Variants in KCNH5 observed in about 807,000 individuals in gnomAD.
KCNH5 encodes potassium voltage-gated channel subfamily H member 5, also known as voltage-gated delayed rectifier potassium channel KCNH5.
KCNH5 carries 46 observed loss-of-function variants against 96.1 expected under a neutral mutation model. That is an observed-to-expected ratio of 0.48 (90% CI 0.38 to 0.61). The LOEUF (loss-of-function observed/expected upper bound fraction) is 0.61. KCNH5 is among the 20% of genes least tolerant of loss of function. The pLI, the probability that KCNH5 is intolerant of heterozygous loss-of-function variation, is 0.00. For synonymous variants in KCNH5, 439 were observed against 449.8 expected, an observed-to-expected ratio of 0.98 and a Z score of 0.30; for missense variants, 907 against 1,225.8, an observed-to-expected ratio of 0.74 and a Z score of 3.88.
At chr14:63,042,788 AC>A (rs1891850586) in intron 1 of KCNH5, among the ~76,000 whole-genome samples, 1 of 152,128 alleles carries the variant, frequency 6.6e-6, no homozygotes, top group South Asian at 2.1e-4. Context: ...CCAATTTAAT[AC>A]CATAATTCTC....
chr14:62,959,338 T>A lies in KCNH5; in HGVS notation c.943-8779A>T. Among the ~76,000 whole-genome samples the A allele has an allele frequency of 1.3e-5, 2 of 152,074 alleles. 1 individual carries two copies. On this transcript the variant is annotated intron_variant, in intron 6 of 10. Coordinates refer to ENST00000322893, the MANE Select transcript of KCNH5 (RefSeq NM_139318.5). ...TTGTCCATAAATATTTCAGGGTATGTCTCTAAAAGACAACATATTTTTTAA... is the reference window on the plus strand; with the variant it reads ...TTGTCCATAAATATTTCAGGGTATGACTCTAAAAGACAACATATTTTTTAA...
intron 10 of KCNH5, among the ~76,000 whole-genome samples, chr14:62,732,396 T>C (rs1316832540): frequency 6.6e-6 from 1 of 152,186 alleles, no homozygotes; most frequent in Non-Finnish European, 1.5e-5. Flanking sequence ...TCTGCATCAG[T>C]TATATCCTTA....
At chr14:62,914,175 A>T (rs1889227934) in intron 7 of KCNH5, among the ~76,000 whole-genome samples, 1 of 152,260 alleles carries the variant, frequency 6.6e-6, no homozygotes, top group Non-Finnish European at 1.5e-5. Flanking sequence ...TATGCCTTCC[A>T]CAAAAATAGA....
intron 7 of KCNH5, among the ~76,000 whole-genome samples, chr14:62,876,143 G>T (rs1566690911): frequency 6.6e-6 from 1 of 152,112 alleles, no homozygotes; most frequent in African/African-American, 2.4e-5. Flanking sequence ...CTCCAGACTG[G>T]GTAACAGAGT....
chr14:62,969,239 C>T (rs7153664), intron 6 of KCNH5, among the ~76,000 whole-genome samples: 48,212 of 151,826 alleles, frequency 0.32, 7,961 homozygotes, highest in Non-Finnish European at 0.35. Context: ...TTTAACAATG[C>T]GTAGGATAGG....
At position 63,014,987 on chromosome 14, in the gene KCNH5, T is replaced by G. The variant is rs774102250; in HGVS notation, c.197+1844A>C. ...CTGGGGGATAGGAGAGGAGCAATGC[T>G]TAATATGGCCCAACGATATCAGTGC... On this transcript the variant is annotated intron_variant, in intron 2 of 10. Coordinates refer to ENST00000322893, the MANE Select transcript of KCNH5 (RefSeq NM_139318.5). Among the ~76,000 whole-genome samples, 148 of 152,164 alleles carry G rather than the reference T, an allele frequency of 9.7e-4. 1 individual carries two copies. Among genetic ancestry groups the G allele is most frequent in the Non-Finnish European group, 1.6e-3 (106 of 67,988 alleles).
At chr14:62,881,582 G>A (rs537962598) in intron 7 of KCNH5, among the ~76,000 whole-genome samples, 29 of 152,078 alleles carry the variant, frequency 1.9e-4, no homozygotes, top group African/African-American at 6.7e-4. Context: ...CCCAGGACAC[G>A]AGTTTACCTA....
intron 4 of KCNH5, among the ~76,000 whole-genome samples, chr14:62,992,826 C>G (rs1890835664): frequency 1.3e-5 from 2 of 151,966 alleles, no homozygotes; most frequent in African/African-American, 4.8e-5. Context: ...TAATTAAGTT[C>G]CATATGTCTG....
intron 10 of KCNH5, among the ~76,000 whole-genome samples, chr14:62,767,747 T>C (rs1885891839): frequency 6.6e-6 from 1 of 152,146 alleles, no homozygotes; most frequent in Non-Finnish European, 1.5e-5. Flanking sequence ...ATAACCTGTA[T>C]ACCAAAGCCC....
At position 62,871,404 on chromosome 14, in the gene KCNH5, C is replaced by T. The variant is rs535954586; in HGVS notation, c.1370-21552G>A. On this transcript the variant is annotated intron_variant, in intron 7 of 10. Transcript: ENST00000322893. Reference sequence around the variant, plus strand: ...TACTTGCTAAAGTTGTTTGGTGGGGCTCCAACATCATAACAGCTAAAATTT... The same window carrying T: ...TACTTGCTAAAGTTGTTTGGTGGGGTTCCAACATCATAACAGCTAAAATTT... Among the ~76,000 whole-genome samples, 3 of 152,274 alleles carry T rather than the reference C, an allele frequency of 2.0e-5. No individual in the cohort carries two copies. The South Asian group carries it at 6.2e-4, about 32-fold the overall frequency.
At chr14:62,993,428 C>G (rs1425894763) in intron 4 of KCNH5, among the ~76,000 whole-genome samples, 1 of 151,816 alleles carries the variant, frequency 6.6e-6, no homozygotes, top group African/African-American at 2.4e-5. Flanking sequence ...AATGTGACAG[C>G]CTTCAGTTCC....
At chr14:62,755,909 C>G (rs1329823823) in intron 10 of KCNH5, among the ~76,000 whole-genome samples, 1 of 152,076 alleles carries the variant, frequency 6.6e-6, no homozygotes. Flanking sequence ...AATTCAACAT[C>G]CCTTCATGAC....
intron 7 of KCNH5, among the ~76,000 whole-genome samples, chr14:62,883,825 T>C (rs1888540834): frequency 1.3e-5 from 2 of 152,000 alleles, no homozygotes; most frequent in South Asian, 4.1e-4. Context: ...TCACAATAGA[T>C]ACAAAGAGGA....
intron 9 of KCNH5, among the ~76,000 whole-genome samples, chr14:62,787,467 T>A (rs1886341982): frequency 6.6e-6 from 1 of 152,184 alleles, no homozygotes; most frequent in Non-Finnish European, 1.5e-5. Context: ...GAAACACAAG[T>A]ACTGATGTAG....
At chr14:62,861,436 A>AT (rs1262323370) in intron 7 of KCNH5, among the ~76,000 whole-genome samples, 4 of 152,016 alleles carry the variant, frequency 2.6e-5, no homozygotes, top group South Asian at 4.2e-4. Flanking sequence ...CACCTGGCTC[A>AT]TTTTTTTGTA....
intron 7 of KCNH5, among the ~76,000 whole-genome samples, chr14:62,857,344 A>C (rs895534934): frequency 1.3e-5 from 2 of 152,194 alleles, no homozygotes; most frequent in African/African-American, 4.8e-5. Context: ...GAATCAAAGT[A>C]TTCAGATGGC....
intron 3 of KCNH5, among the ~76,000 whole-genome samples, chr14:63,005,209 T>C (rs1049936053): frequency 6.6e-6 from 1 of 152,166 alleles, no homozygotes; most frequent in African/African-American, 2.4e-5. Flanking sequence ...TTGGGCTTGA[T>C]GTAAAATGAA....
In KCNH5 at chr14:62,808,691, G is replaced by A. The variant is rs369507398; in HGVS notation, c.1570-6110C>T. Among the ~76,000 whole-genome samples, 53 of 152,152 alleles carry A rather than the reference G, an allele frequency of 3.5e-4. 1 individual carries two copies. Among genetic ancestry groups the A allele is most frequent in the African/African-American group, 8.7e-4 (36 of 41,564 alleles). ...TTACTGGTATATGTTCCAAAGTTAT[G>A]GGAAACTCCTGTAATTCTAATATGA... On this transcript the variant is annotated intron_variant, in intron 8 of 10. Coordinates refer to ENST00000322893, the MANE Select transcript of KCNH5 (RefSeq NM_139318.5).
At chr14:62,910,038 A>C (rs954666347) in intron 7 of KCNH5, among the ~76,000 whole-genome samples, 3 of 152,008 alleles carry the variant, frequency 2.0e-5, no homozygotes, top group African/African-American at 7.2e-5. Context: ...CTAGAATGGT[A>C]CCAGTTCCTG....
Sources: allele counts gnomAD v4.1 joint callset (sites outside exome capture counted in the v4.1 genomes callset), GRCh38; gene constraint gnomAD v4.1.1; transcripts MANE v1.5; gene names NCBI Gene and HGNC (gene_info 2026-07-23, HGNC 2026-07-21).